The following DLC1 variants were observed in gnomAD, a reference collection of about 807,000 sequenced individuals.
The protein encoded by DLC1 is rho GTPase-activating protein 7.
DLC1 carries 54 observed loss-of-function variants against 140.3 expected under a neutral mutation model. That is an observed-to-expected ratio of 0.38 (90% CI 0.31 to 0.48). The LOEUF is 0.48. DLC1 is among the 20% of genes least tolerant of loss of function. The pLI, the probability that DLC1 is intolerant of heterozygous loss-of-function variation, is 0.96. For missense variants in DLC1, 2,536 were observed against 1,907.0 expected, an observed-to-expected ratio of 1.33 and a Z score of -6.14; for synonymous variants, 986 against 728.1, an observed-to-expected ratio of 1.35 and a Z score of -5.70.
At chr8:13,446,131 C>T (rs1022773155) in intron 2 of DLC1, among the ~76,000 whole-genome samples, 1 of 152,224 alleles carries the variant, frequency 6.6e-6, no homozygotes, top group South Asian at 2.1e-4. Flanking sequence ...AGAACTCTCC[C>T]CCCCTCTGTG....
intron 1 of DLC1, chr8:13,584,286 G>A (rs1033313522): frequency 1.3e-5 from 2 of 154,472 alleles, no homozygotes; most frequent in African/African-American, 2.4e-5. Flanking sequence ...GAGCCGGATG[G>A]TGGTCATGGA....
intron 4 of DLC1, among the ~76,000 whole-genome samples, chr8:13,316,037 C>A (rs577600990): frequency 6.6e-6 from 1 of 152,324 alleles, no homozygotes; most frequent in East Asian, 1.9e-4. Flanking sequence ...TGACCCCTTT[C>A]GGATGTAATC....
At chr8:13,149,420 A>C (rs893892221) in intron 5 of DLC1, among the ~76,000 whole-genome samples, 3 of 152,170 alleles carry the variant, frequency 2.0e-5, no homozygotes, top group Non-Finnish European at 4.4e-5. Context: ...TTTCCCTCGG[A>C]CAAACTATTT....
chr8:13,089,821 T>G (rs1345325125), intron 15 of DLC1, among the ~76,000 whole-genome samples: 1 of 152,184 alleles, frequency 6.6e-6, no homozygotes. Flanking sequence ...CAGTCCTAAC[T>G]GGAGTTAATT....
chr8:13,270,901 A>G (rs1412602232), intron 5 of DLC1, among the ~76,000 whole-genome samples: 1 of 152,142 alleles, frequency 6.6e-6, no homozygotes. Flanking sequence ...TTTGCAGAGT[A>G]GCTCATTTAA....
At chr8:13,576,393 C>G (rs762647148) in intron 1 of DLC1, among the ~76,000 whole-genome samples, 3 of 152,040 alleles carry the variant, frequency 2.0e-5, no homozygotes, top group Non-Finnish European at 4.4e-5. Context: ...GTTGAGAGGA[C>G]ACAATTCCAG....
intron 5 of DLC1, among the ~76,000 whole-genome samples, chr8:13,186,415 T>C (rs1826371453): frequency 6.6e-6 from 1 of 152,208 alleles, no homozygotes; most frequent in Non-Finnish European, 1.5e-5. Flanking sequence ...CAATCACTGA[T>C]ACCCTTTCTT....
intron 1 of DLC1, among the ~76,000 whole-genome samples, chr8:13,551,186 G>A (rs1803836297): frequency 1.3e-5 from 2 of 150,462 alleles, no homozygotes; most frequent in Admixed American, 6.7e-5. Context: ...ATTAATACTT[G>A]GTGAGTTAAA....
At chr8:13,396,346 G>T (rs1054701615) in intron 3 of DLC1, among the ~76,000 whole-genome samples, 1 of 152,070 alleles carries the variant, frequency 6.6e-6, no homozygotes, top group Non-Finnish European at 1.5e-5. Context: ...GACGTGAGCT[G>T]CTGCGCCTGG....
chr8:13,201,018 C>T (rs1337324899), intron 5 of DLC1, among the ~76,000 whole-genome samples: 3 of 152,066 alleles, frequency 2.0e-5, no homozygotes, highest in Non-Finnish European at 4.4e-5. Context: ...TTACTGAGTA[C>T]AGTGGGTTTC....
intron 1 of DLC1, chr8:13,566,912 G>C (rs957417070): frequency 4.8e-6 from 7 of 1,446,460 alleles, no homozygotes; most frequent in Non-Finnish European, 6.4e-6. Flanking sequence ...TCCATTCCCG[G>C]AGGGGTCAGC....
chr8:13,500,449 G>T (rs1801762384), intron 1 of DLC1, among the ~76,000 whole-genome samples: 1 of 152,134 alleles, frequency 6.6e-6, no homozygotes, highest in Non-Finnish European at 1.5e-5. Flanking sequence ...GTCCATTAAT[G>T]AATAAAGATA....
chr8:13,179,189 C>G (rs144735641), intron 5 of DLC1, among the ~76,000 whole-genome samples: 131 of 150,822 alleles, frequency 8.7e-4, no homozygotes, highest in African/African-American at 3.2e-3. Context: ...CACTGTATGA[C>G]TGTATTTATG....
chr8:13,464,766 T>TTATATATATATA (rs1299837929), intron 2 of DLC1, among the ~76,000 whole-genome samples: 11 of 7,552 alleles, frequency 1.5e-3, no homozygotes, highest in Non-Finnish European at 2.8e-3. Context: ...ATATATATAT[T>TTATATATATATA]TATATATATA....
At chr8:13,150,663 T>C (rs1025995894) in intron 5 of DLC1, among the ~76,000 whole-genome samples, 1 of 152,242 alleles carries the variant, frequency 6.6e-6, no homozygotes, top group Non-Finnish European at 1.5e-5. Flanking sequence ...AACTCAGTCT[T>C]AGATCTTCAT....
At chr8:13,285,952 G>C (rs750256766) in intron 5 of DLC1, among the ~76,000 whole-genome samples, 1 of 152,144 alleles carries the variant, frequency 6.6e-6, no homozygotes, top group Non-Finnish European at 1.5e-5. Context: ...TGGTACATGA[G>C]AGAATTTTTA....
At chr8:13,165,305 G>A (rs892061696) in intron 5 of DLC1, among the ~76,000 whole-genome samples, 1 of 152,164 alleles carries the variant, frequency 6.6e-6, no homozygotes, top group Non-Finnish European at 1.5e-5. Context: ...GAAAGAAGGA[G>A]ATGAAAGAAA....
At chr8:13,317,837 C>G (rs1271222102) in intron 4 of DLC1, among the ~76,000 whole-genome samples, 1 of 152,054 alleles carries the variant, frequency 6.6e-6, no homozygotes, top group African/African-American at 2.4e-5. Context: ...AGTCAAGAGT[C>G]CAGTTATAGT....
chr8:13,567,476 A>G (rs958340697), intron 1 of DLC1: 35 of 1,551,996 alleles, frequency 2.3e-5, no homozygotes, highest in Non-Finnish European at 2.9e-5. Flanking sequence ...TCAGAGAGAG[A>G]TGCCTTTAGT....
Sources: allele counts gnomAD v4.1 joint callset (sites outside exome capture counted in the v4.1 genomes callset), GRCh38; gene constraint gnomAD v4.1.1; transcripts MANE v1.5; gene names NCBI Gene and HGNC (gene_info 2026-07-23, HGNC 2026-07-21).